The following ABLIM1 variants were observed in gnomAD, a reference collection of about 807,000 sequenced individuals.
ABLIM1 encodes the protein actin-binding LIM protein 1.
Under a neutral mutation model 107.0 loss-of-function variants are expected in ABLIM1, and 40 were observed. That is an observed-to-expected ratio of 0.37 (90% CI 0.29 to 0.49). ABLIM1 has a LOEUF of 0.49. Among genes scored for constraint, ABLIM1 ranks in the 20% least tolerant of loss-of-function variants. ABLIM1 has a pLI of 0.97. For missense variants in ABLIM1, 857 were observed against 1,008.5 expected (o/e 0.85, Z 2.04); for synonymous variants, 357 against 357.3 (o/e 1.00, Z 0.01).
intron 3 of ABLIM1, among the ~76,000 whole-genome samples, chr10:114,572,152 C>G (rs1187324201): frequency 6.6e-6 from 1 of 152,188 alleles, no homozygotes; most frequent in African/African-American, 2.4e-5. Context: ...CATTAATGAA[C>G]AGACATATGA....
At chr10:114,678,797 G>A (rs1253510138) in intron 1 of ABLIM1, among the ~76,000 whole-genome samples, 1 of 152,132 alleles carries the variant, frequency 6.6e-6, no homozygotes, top group Non-Finnish European at 1.5e-5. Context: ...GTTCCCTAGG[G>A]TTAGATTGTC....
chr10:114,593,098 G>A lies in ABLIM1; in HGVS notation c.379+8729C>T, dbSNP rs991276523. On this transcript the variant is annotated intron_variant, in intron 2 of 22. Coordinates refer to ENST00000533213, the MANE Select transcript of ABLIM1 (RefSeq NM_002313.7). Reference sequence around the variant, plus strand: ...GAACCAGCAATATAAGTTGTGAAACGCTTATTTTAAAAATGATTGATGAAA... The same window carrying A: ...GAACCAGCAATATAAGTTGTGAAACACTTATTTTAAAAATGATTGATGAAA... 3.9e-5 allele frequency among the ~76,000 whole-genome samples: 6 copies of A among 152,080 alleles called. No individual in the cohort carries two copies. The East Asian group carries it at 7.7e-4, about 20-fold the overall frequency.
At chr10:114,473,188 C>T (rs1294761305) in intron 9 of ABLIM1, 56 bp from the exon 10 acceptor site, 5 of 1,505,528 alleles carry the variant, frequency 3.3e-6, no homozygotes, top group African/African-American at 1.4e-5. Flanking sequence ...CTTTAGGAAA[C>T]TGTAGTTGGC....
intron 8 of ABLIM1, among the ~76,000 whole-genome samples, chr10:114,481,354 C>T (rs976020753): frequency 1.3e-5 from 2 of 150,964 alleles, no homozygotes; most frequent in African/African-American, 2.4e-5. Flanking sequence ...CAAAGCCATG[C>T]TCTAAGGAGA....
chr10:114,698,309 C>G (rs1253098274), intron 1 of ABLIM1, among the ~76,000 whole-genome samples: 1 of 145,194 alleles, frequency 6.9e-6, no homozygotes, highest in Admixed American at 6.9e-5. Context: ...AAAAAAATAA[C>G]AATTATGAAA....
At chr10:114,688,056 A>T (rs529851926), upstream of ABLIM1, among the ~76,000 whole-genome samples, 3 of 152,128 alleles carry the variant, frequency 2.0e-5, no homozygotes, top group Non-Finnish European at 4.4e-5. Context: ...TTGCCGTTGA[A>T]AGTAATGGCA....
intron 1 of ABLIM1, among the ~76,000 whole-genome samples, chr10:114,674,336 T>C (rs2080388671): frequency 6.6e-6 from 1 of 152,090 alleles, no homozygotes; most frequent in South Asian, 2.1e-4. Context: ...GAGAGACCTT[T>C]TGTACACACC....
Position 114,707,890 on chromosome 10 carries a change from A to C in ABLIM1, c.-213+60171T>G, listed in dbSNP as rs1199033213. Among the ~76,000 whole-genome samples, 1 of 152,028 alleles carries C rather than the reference A, an allele frequency of 6.6e-6. No individual in the cohort carries two copies. The highest frequency in any genetic ancestry group is 6.5e-5 in the Admixed American group (1 of 15,274). On this transcript the variant is annotated intron_variant, in intron 1 of 15. Transcript: ENST00000651092. The surrounding 1 kb of genome is among the most constrained non-coding windows in gnomAD (Gnocchi z 4.1). ...CACTCTAGCCTGGGCGACAAGAGCA[A>C]AACTCCGTCTCAAAACAAACAAACA... is the stretch of plus-strand genomic sequence containing the variant.
At chr10:114,650,328 T>C (rs1002977195) in intron 1 of ABLIM1, among the ~76,000 whole-genome samples, 3 of 152,232 alleles carry the variant, frequency 2.0e-5, no homozygotes, top group Admixed American at 6.5e-5. Context: ...TCTTTGAAAG[T>C]AAGCCACTCT....
rs181122284 is a variant in ABLIM1 at position 114,572,185 on chromosome 10, G to A, written c.564-779C>T. Among the ~76,000 whole-genome samples, 310 of 152,234 alleles carry A rather than the reference G, an allele frequency of 2.0e-3. 2 individuals are homozygous for A. Among genetic ancestry groups the A allele is most frequent in the African/African-American group, 7.2e-3 (298 of 41,542 alleles). ...TGACAGTTTCCATGCCCACTCACTTGCCCTTGGCCTATGTACCAATAATCT... is the reference window on the plus strand; with the variant it reads ...TGACAGTTTCCATGCCCACTCACTTACCCTTGGCCTATGTACCAATAATCT... On this transcript the variant is annotated intron_variant, in intron 3 of 22. Coordinates refer to ENST00000533213, the MANE Select transcript of ABLIM1 (RefSeq NM_002313.7).
chr10:114,524,532 A>G (rs1215343278), intron 6 of ABLIM1, among the ~76,000 whole-genome samples: 1 of 152,210 alleles, frequency 6.6e-6, no homozygotes, highest in Non-Finnish European at 1.5e-5. Flanking sequence ...AAGAAAAAAA[A>G]ACTAACAGGC....
chr10:114,685,212 T>C (rs950512249), upstream of ABLIM1, among the ~76,000 whole-genome samples: 1 of 152,216 alleles, frequency 6.6e-6, no homozygotes, highest in African/African-American at 2.4e-5. Flanking sequence ...GGAAAAGTTA[T>C]GAAGACAGTT....
At chr10:114,650,533 CT>C (rs1182370154) in intron 1 of ABLIM1, among the ~76,000 whole-genome samples, 1 of 152,120 alleles carries the variant, frequency 6.6e-6, no homozygotes, top group Non-Finnish European at 1.5e-5. Context: ...AAAATAGTTA[CT>C]TGCCCACATT....
chr10:114,650,032 T>C (rs1026454885), intron 1 of ABLIM1, among the ~76,000 whole-genome samples: 1 of 152,022 alleles, frequency 6.6e-6, no homozygotes, highest in Admixed American at 6.5e-5. Context: ...ATTTTTGTAT[T>C]TTTTAGTAGA....
intron 11 of ABLIM1, among the ~76,000 whole-genome samples, chr10:114,466,321 A>T (rs1252601849): frequency 1.3e-5 from 2 of 152,224 alleles, no homozygotes; most frequent in Non-Finnish European, 1.5e-5. Flanking sequence ...TTAAAAAAAA[A>T]AAATTTTAAG....
At position 114,436,229 on chromosome 10, in the gene ABLIM1, C is replaced by G. The variant is rs2059356341; in HGVS notation, c.*31G>C. On this transcript the variant is annotated 3_prime_UTR_variant, in exon 23 of 23. Coordinates refer to ENST00000533213, the MANE Select transcript of ABLIM1 (RefSeq NM_002313.7). ...CCTATGGGGCACCGCCACTGTCAGT[C>G]CTTTCTCTAATTGCCATTCACGAGT... is the stretch of plus-strand genomic sequence containing the variant. 6.4e-7 allele frequency: 1 copy of G among 1,571,106 alleles called. No individual in the cohort carries two copies. The highest frequency in any genetic ancestry group is 1.1e-5 in the South Asian group (1 of 89,940).
At chr10:114,644,323 A>ATG (rs2078912089) in intron 1 of ABLIM1, among the ~76,000 whole-genome samples, 2 of 124,642 alleles carry the variant, frequency 1.6e-5, no homozygotes, top group African/African-American at 3.7e-5. Context: ...ATATATATAT[A>ATG]TATATATGTG....
chr10:114,748,659 CTT>C (rs1290803247), intron 1 of ABLIM1, among the ~76,000 whole-genome samples: 15 of 121,502 alleles, frequency 1.2e-4, no homozygotes, highest in Non-Finnish European at 1.2e-4. Flanking sequence ...TTTTTTTTTT[CTT>C]TTTTTTTTTT....
intron 4 of ABLIM1, among the ~76,000 whole-genome samples, chr10:114,561,853 C>T (rs1482700113): frequency 6.6e-6 from 1 of 152,194 alleles, no homozygotes; most frequent in Non-Finnish European, 1.5e-5. Context: ...CTGAGTTGCA[C>T]CCATTCCCTA....
Sources: gnomAD v4.1 joint callset for allele counts (sites outside exome capture counted in the v4.1 genomes callset) on GRCh38, gnomAD v4.1.1 for gene constraint, Gnocchi (gnomAD v3.1) non-coding constraint, MANE v1.5 for transcripts, NCBI Gene and HGNC (gene_info 2026-07-23, HGNC 2026-07-21) for gene names.